GLIS3: variants seen among roughly 807,000 people sequenced by gnomAD.
GLIS3 encodes GLIS family zinc finger 3, also known as zinc finger protein GLIS3.
GLIS3 carries 53 observed loss-of-function variants against 78.6 expected under a neutral mutation model. That is an observed-to-expected ratio of 0.67 (90% CI 0.54 to 0.85). GLIS3 has a LOEUF of 0.85. Among genes scored for constraint, GLIS3 ranks in the 40% least tolerant of loss-of-function variants. The pLI is 0.00. For synonymous variants in GLIS3, 684 were observed against 509.9 expected (o/e 1.34, Z -4.60); for missense variants, 1,703 against 1,231.1 (o/e 1.38, Z -5.74).
intron 4 of GLIS3, among the ~76,000 whole-genome samples, chr9:3,968,005 TAACTC>T (rs1818087886): frequency 6.6e-6 from 1 of 152,238 alleles, no homozygotes; most frequent in Admixed American, 6.5e-5. Flanking sequence ...CATTTTCCAT[TAACTC>T]AGGTTAACTT....
At chr9:4,264,588 G>C (rs1456193595) in intron 2 of GLIS3, among the ~76,000 whole-genome samples, 1 of 152,020 alleles carries the variant, frequency 6.6e-6, no homozygotes, top group Non-Finnish European at 1.5e-5. Flanking sequence ...TAATGCACTT[G>C]CTTTTTTTCT....
At chr9:3,919,782 G>C (rs1052811906) in intron 6 of GLIS3, among the ~76,000 whole-genome samples, 2 of 152,014 alleles carry the variant, frequency 1.3e-5, no homozygotes, top group African/African-American at 2.4e-5. Context: ...ATACTTCAAA[G>C]CATGGAGGCT....
the GLIS3 span, among the ~76,000 whole-genome samples, chr9:4,458,933 G>C: frequency 6.6e-6 from 1 of 152,212 alleles, no homozygotes; most frequent in Admixed American, 6.5e-5. Context: ...AGAAGTGGGT[G>C]ACAGGAAGAG....
At chr9:4,291,519 A>G (rs577494550) in intron 1 of GLIS3, among the ~76,000 whole-genome samples, 147 of 152,292 alleles carry the variant, frequency 9.7e-4, no homozygotes, top group Non-Finnish European at 6.9e-4. Flanking sequence ...AGGACTGGCC[A>G]TGTCACTTTA....
intron 2 of GLIS3, among the ~76,000 whole-genome samples, chr9:4,252,113 G>A (rs186646324): frequency 6.6e-6 from 1 of 152,196 alleles, no homozygotes; most frequent in Non-Finnish European, 1.5e-5. Flanking sequence ...GAGTATCTTT[G>A]TGGTGTTCTC....
chr9:4,221,943 A>G (rs1821364089), intron 2 of GLIS3, among the ~76,000 whole-genome samples: 1 of 152,232 alleles, frequency 6.6e-6, no homozygotes, highest in Non-Finnish European at 1.5e-5. Context: ...GCTCCATCCT[A>G]TGTACAGCTC....
the GLIS3 span, among the ~76,000 whole-genome samples, chr9:4,470,396 C>T: frequency 1.3e-5 from 2 of 152,170 alleles, no homozygotes; most frequent in Admixed American, 6.5e-5. Context: ...CATCAAAAAG[C>T]TTATCCACCA....
At chr9:3,938,081 AG>A (rs1198383719) in intron 4 of GLIS3, among the ~76,000 whole-genome samples, 2 of 152,212 alleles carry the variant, frequency 1.3e-5, no homozygotes, top group Non-Finnish European at 2.9e-5. Flanking sequence ...AATCTAATAA[AG>A]AAAATGTGTT....
intron 4 of GLIS3, among the ~76,000 whole-genome samples, chr9:4,080,837 G>A (rs947585077): frequency 6.6e-6 from 1 of 152,194 alleles, no homozygotes; most frequent in Admixed American, 6.5e-5. Flanking sequence ...GGCAATACCT[G>A]CAGCCAGGCC....
intron 2 of GLIS3, among the ~76,000 whole-genome samples, chr9:4,185,148 C>T (rs1200964833): frequency 3.9e-5 from 6 of 152,168 alleles, no homozygotes; most frequent in South Asian, 2.1e-4. Flanking sequence ...GTCAACTTTC[C>T]GTCCCTATCA....
rs532999344 is a variant in GLIS3 at position 4,321,814 on chromosome 9, T to C, written n.265-11286A>G. Among the ~76,000 whole-genome samples, 13 of 152,230 alleles carry C rather than the reference T, an allele frequency of 8.5e-5. No individual in the cohort carries two copies. The East Asian group carries it at 2.5e-3, about 29-fold the overall frequency. On this transcript the variant is annotated intron_variant and non_coding_transcript_variant, in intron 2 of 4. Transcript: ENST00000471664. Reference sequence around the variant, plus strand: ...GCCTCCACCTCCCGGATTCAAGTGATTCTCATGCCTCACCCTCCCGAGTAG... The same window carrying C: ...GCCTCCACCTCCCGGATTCAAGTGACTCTCATGCCTCACCCTCCCGAGTAG...
chr9:4,461,094 G>T, the GLIS3 span, among the ~76,000 whole-genome samples: 1 of 152,200 alleles, frequency 6.6e-6, no homozygotes, highest in Non-Finnish European at 1.5e-5. Context: ...AAGTCTCAGA[G>T]CATGAATATG....
intron 2 of GLIS3, among the ~76,000 whole-genome samples, chr9:4,216,936 G>C (rs771078345): frequency 1.3e-5 from 2 of 152,160 alleles, no homozygotes; most frequent in Non-Finnish European, 2.9e-5. Context: ...TAGCCTAAGA[G>C]CACAGAGGCC....
chr9:4,444,850 G>C, the GLIS3 span, among the ~76,000 whole-genome samples: 2 of 152,152 alleles, frequency 1.3e-5, no homozygotes, highest in South Asian at 2.1e-4. Flanking sequence ...TGGATAAATT[G>C]TCTGAAAAGA....
chr9:3,847,492 C>G (rs986711019), intron 9 of GLIS3, among the ~76,000 whole-genome samples: 2 of 152,234 alleles, frequency 1.3e-5, no homozygotes, highest in African/African-American at 4.8e-5. Flanking sequence ...ATAGTTGATT[C>G]AATCATTTAA....
At chr9:4,409,058 AAAAC>A in the GLIS3 span, among the ~76,000 whole-genome samples, 1 of 152,168 alleles carries the variant, frequency 6.6e-6, no homozygotes, top group Non-Finnish European at 1.5e-5. Context: ...GGAAAAGAAA[AAAAC>A]AAGGTGTAAC....
At chr9:4,105,912 G>A (rs1056957203) in intron 4 of GLIS3, among the ~76,000 whole-genome samples, 1 of 152,142 alleles carries the variant, frequency 6.6e-6, no homozygotes, top group Non-Finnish European at 1.5e-5. Flanking sequence ...CACCAGCAGT[G>A]GGTCAATTCA....
the GLIS3 span, among the ~76,000 whole-genome samples, chr9:4,362,406 G>A: frequency 1.3e-5 from 2 of 152,296 alleles, no homozygotes; most frequent in Admixed American, 6.5e-5. Flanking sequence ...AAAACAGGAA[G>A]ACAATTTTCA....
At chr9:4,173,234 G>A (rs1410935558) in intron 2 of GLIS3, among the ~76,000 whole-genome samples, 6 of 152,170 alleles carry the variant, frequency 3.9e-5, no homozygotes. Flanking sequence ...AAAACAAGCA[G>A]ACCTTTTAAG....
Sources: gnomAD v4.1 joint callset for allele counts (sites outside exome capture counted in the v4.1 genomes callset) on GRCh38, gnomAD v4.1.1 for gene constraint, MANE v1.5 for transcripts, NCBI Gene and HGNC (gene_info 2026-07-23, HGNC 2026-07-21) for gene names.